The following KIF13A variants were observed in gnomAD, a reference collection of about 807,000 sequenced individuals.
KIF13A encodes the protein kinesin-like protein KIF13A.
In KIF13A, 79 loss-of-function variants were observed where a neutral mutation model predicts 212.2. That is an observed-to-expected ratio of 0.37 (90% confidence interval 0.31 to 0.45). The LOEUF (loss-of-function observed/expected upper bound fraction) is 0.45. Among genes scored for constraint, KIF13A ranks in the 20% least tolerant of loss-of-function variants. KIF13A has a pLI of 1.00. For missense variants in KIF13A, 1,901 were observed against 2,209.0 expected, an observed-to-expected ratio of 0.86 and a Z score of 2.79; for synonymous variants, 789 against 808.6, an observed-to-expected ratio of 0.98 and a Z score of 0.41.
intron 4 of KIF13A, among the ~76,000 whole-genome samples, chr6:17,864,347 A>G (rs1437164198): frequency 2.0e-5 from 3 of 152,240 alleles, no homozygotes; most frequent in Non-Finnish European, 4.4e-5. Context: ...TTCTATAATC[A>G]TGTGAACAAG....
chr6:17,770,361 A>ATGTTTTTTTTTTTT (rs1759379450), intron 38 of KIF13A: 3 of 119,446 alleles, frequency 2.5e-5, no homozygotes, highest in Non-Finnish European at 3.5e-5. Flanking sequence ...AATAAACAGG[A>ATGTTTTTTTTTTTT]TTTTTTTTTT....
At chr6:17,813,624 C>T (rs987532374) in intron 17 of KIF13A, among the ~76,000 whole-genome samples, 3 of 152,138 alleles carry the variant, frequency 2.0e-5, no homozygotes, top group African/African-American at 4.8e-5. Context: ...GTGACTGTTG[C>T]GAGCCTTGCG....
Position 17,984,626 on chromosome 6 carries a change from GT to G in KIF13A, c.146+2427del. ...CCTGGACGTCAATGCATTCTCACTT[GT>G]TTTTACTGGTAAGACTGAAAACTTT... On this transcript the variant is annotated intron_variant, in intron 2 of 38. Coordinates refer to ENST00000259711, the MANE Select transcript of KIF13A (RefSeq NM_022113.6). This position sits in a 1 kb window ranked among gnomAD's most constrained non-coding sequence, Gnocchi z 5.0. 2 of 773,432 alleles carry G rather than the reference GT, an allele frequency of 2.6e-6. No individual in the cohort carries two copies. Among genetic ancestry groups the G allele is most frequent in the Non-Finnish European group, 3.1e-6 (2 of 640,694 alleles). The allele number at this position is 773,432 out of a possible 1,614,324, so 47.9% of individuals were successfully genotyped here.
intron 2 of KIF13A, among the ~76,000 whole-genome samples, chr6:17,957,317 C>T (rs1190697953): frequency 2.0e-5 from 3 of 152,164 alleles, no homozygotes; most frequent in African/African-American, 4.8e-5. Flanking sequence ...AAAAAGAACT[C>T]GTTCACATGC....
intron 2 of KIF13A, among the ~76,000 whole-genome samples, chr6:17,958,730 T>C (rs1388079327): frequency 6.6e-6 from 1 of 152,212 alleles, no homozygotes; most frequent in African/African-American, 2.4e-5. Flanking sequence ...TATACTTTAA[T>C]TCCATTTATT....
chr6:17,841,095 T>C (rs1167881435), intron 9 of KIF13A, among the ~76,000 whole-genome samples: 4 of 144,664 alleles, frequency 2.8e-5, no homozygotes, highest in Non-Finnish European at 6.0e-5. Context: ...TTTTTTTTTT[T>C]CCAAAGACAG....
At chr6:17,937,746 G>GTTT (rs11401933) in intron 2 of KIF13A, among the ~76,000 whole-genome samples, 12 of 135,672 alleles carry the variant, frequency 8.8e-5, no homozygotes, top group East Asian at 2.2e-4. Context: ...TTCCTTTTTT[G>GTTT]TTTTTTTTTT....
intron 25 of KIF13A, among the ~76,000 whole-genome samples, chr6:17,793,891 C>T (rs949872389): frequency 1.3e-5 from 2 of 151,252 alleles, no homozygotes; most frequent in Admixed American, 6.6e-5. Context: ...TCCAACCTGG[C>T]AACAAAGCAA....
In KIF13A at chr6:17,768,905, C is replaced by A. The variant is rs949961840; in HGVS notation, c.4581+2209G>T. ...TGTCTTAGTCATGAGACATGAAGTA[C>A]ATCTGTATGTCTTCCCAAATTGATC... is the stretch of plus-strand genomic sequence containing the variant. On this transcript the variant is annotated intron_variant, in intron 38 of 38. Coordinates refer to ENST00000259711, the MANE Select transcript of KIF13A (RefSeq NM_022113.6). This position sits in a 1 kb window ranked among gnomAD's most constrained non-coding sequence, Gnocchi z 5.4. Among the ~76,000 whole-genome samples the A allele has an allele frequency of 6.6e-6, 1 of 152,146 alleles. No homozygotes were observed. Among genetic ancestry groups the A allele is most frequent in the Non-Finnish European group, 1.5e-5 (1 of 68,008 alleles).
intron 2 of KIF13A, among the ~76,000 whole-genome samples, chr6:17,907,675 ATGTAGATGCAGATG>A (rs1490533650): frequency 6.6e-6 from 1 of 152,196 alleles, no homozygotes; most frequent in Admixed American, 6.5e-5. Context: ...AGCCACAAAA[ATGTAGATGCAGATG>A]TGTTGGGAGC....
rs1035575408 is a variant in KIF13A at position 17,825,553 on chromosome 6, C to T, written c.1786+215G>A. On this transcript the variant is annotated intron_variant, in intron 16 of 38. Coordinates refer to ENST00000259711, the MANE Select transcript of KIF13A (RefSeq NM_022113.6). The surrounding 1 kb of genome is among the most constrained non-coding windows in gnomAD (Gnocchi z 4.5). Reference sequence around the variant, plus strand: ...GCTTGGGAATAAGAGGTCTCAAAAACGGGACCATCCATATCCTCATTGTAA... The same window carrying T: ...GCTTGGGAATAAGAGGTCTCAAAAATGGGACCATCCATATCCTCATTGTAA... Among the ~76,000 whole-genome samples the T allele has an allele frequency of 3.3e-5, 5 of 152,160 alleles. No homozygotes were observed. The highest frequency in any genetic ancestry group is 7.2e-5 in the African/African-American group (3 of 41,442).
At chr6:17,840,045 T>C (rs562886898) in intron 9 of KIF13A, among the ~76,000 whole-genome samples, 3 of 152,142 alleles carry the variant, frequency 2.0e-5, no homozygotes, top group Non-Finnish European at 2.9e-5. Context: ...GGCAAATCTA[T>C]AGAGATGGAG....
chr6:17,861,672 A>G (rs1768799623), intron 4 of KIF13A, among the ~76,000 whole-genome samples: 2 of 152,248 alleles, frequency 1.3e-5, no homozygotes, highest in South Asian at 4.1e-4. Context: ...TTTTTCTTCT[A>G]TTTATTGTTC....
intron 35 of KIF13A, among the ~76,000 whole-genome samples, chr6:17,774,657 CA>C (rs1484768373): frequency 1.3e-5 from 2 of 151,954 alleles, no homozygotes; most frequent in Non-Finnish European, 2.9e-5. Flanking sequence ...ACTATAATCC[CA>C]GCTACTCGGG....
intron 33 of KIF13A, among the ~76,000 whole-genome samples, chr6:17,778,723 C>T (rs4716183): frequency 0.74 from 112,729 of 152,050 alleles, 41,899 homozygotes; most frequent in African/African-American, 0.79. Flanking sequence ...AAATAATATA[C>T]CTAAATTACT....
At chr6:17,761,818 T>G (rs1758599520), downstream of KIF13A, among the ~76,000 whole-genome samples, 1 of 152,178 alleles carries the variant, frequency 6.6e-6, no homozygotes, top group Non-Finnish European at 1.5e-5. Context: ...CTTTTCCTGT[T>G]GGGTTCTAAA....
chr6:17,979,300 A>G (rs1245136235), intron 2 of KIF13A, among the ~76,000 whole-genome samples: 1 of 152,184 alleles, frequency 6.6e-6, no homozygotes, highest in African/African-American at 2.4e-5. Flanking sequence ...CTAAAAAAAA[A>G]ATTTCCAGCT....
chr6:17,882,551 G>A (rs1405854789), intron 3 of KIF13A, among the ~76,000 whole-genome samples: 1 of 151,470 alleles, frequency 6.6e-6, no homozygotes, highest in Non-Finnish European at 1.5e-5. Flanking sequence ...CATCTCAAAT[G>A]TCACTCCTTT....
chr6:17,925,549 A>T (rs1262963248), intron 2 of KIF13A, among the ~76,000 whole-genome samples: 1 of 152,208 alleles, frequency 6.6e-6, no homozygotes, highest in Non-Finnish European at 1.5e-5. Context: ...CTCCATCATC[A>T]CTTTGAAGGC....
Sources: allele counts gnomAD v4.1 joint callset (sites outside exome capture counted in the v4.1 genomes callset), GRCh38; gene constraint gnomAD v4.1.1; non-coding constraint Gnocchi (gnomAD v3.1); transcripts MANE v1.5; gene names NCBI Gene and HGNC (gene_info 2026-07-23, HGNC 2026-07-21).